The following NCR1 variants were observed in gnomAD, a reference collection of about 807,000 sequenced individuals.
NCR1 encodes the protein natural cytotoxicity triggering receptor 1.
A neutral mutation model predicts 32.5 loss-of-function variants in NCR1; 30 were observed. The observed-to-expected ratio is 0.92, with a 90% CI of 0.69 to 1.25. NCR1 has a LOEUF of 1.25. NCR1 is among the 50% of genes most tolerant of loss of function. NCR1 has a pLI of 0.00. For synonymous variants in NCR1, 169 were observed against 143.4 expected (o/e 1.18, Z -1.28); for missense variants, 369 against 380.7 (o/e 0.97, Z 0.26).
the NCR1 span, among the ~76,000 whole-genome samples, chr19:54,936,880 A>C: frequency 2.0e-5 from 3 of 151,328 alleles, no homozygotes; most frequent in Non-Finnish European, 2.9e-5. Context: ...GCACCACTGC[A>C]CTCCAGCCTG....
At chr19:54,916,317 C>CTTTTTTATTT (rs2068131050), downstream of NCR1, among the ~76,000 whole-genome samples, 2 of 87,108 alleles carry the variant, frequency 2.3e-5, no homozygotes, top group African/African-American at 8.9e-5. Context: ...GAATATTGTG[C>CTTTTTTATTT]TTTTTTTTTT....
chr19:54,931,351 G>C, the NCR1 span, among the ~76,000 whole-genome samples: 1 of 152,158 alleles, frequency 6.6e-6, no homozygotes, highest in Admixed American at 6.6e-5. Context: ...AAGATCAGGA[G>C]TTCAAGACCA....
chr19:54,922,691 A>C, the NCR1 span, among the ~76,000 whole-genome samples: 1 of 150,946 alleles, frequency 6.6e-6, no homozygotes, highest in Non-Finnish European at 1.5e-5. Flanking sequence ...AGGCAGGAGA[A>C]TCACTTGAAC....
chr19:54,938,031 A>T, the NCR1 span: 3 of 1,606,138 alleles, frequency 1.9e-6, no homozygotes, highest in Non-Finnish European at 2.6e-6. Context: ...TTGCAAGATG[A>T]GCTTCTACTT....
the NCR1 span, among the ~76,000 whole-genome samples, chr19:54,929,270 CAGG>C: frequency 1.3e-5 from 2 of 151,946 alleles, no homozygotes; most frequent in African/African-American, 4.8e-5. Flanking sequence ...TCAGCTCAAT[CAGG>C]AGAATCGCTT....
At chr19:54,928,498 A>G in the NCR1 span, among the ~76,000 whole-genome samples, 2 of 152,194 alleles carry the variant, frequency 1.3e-5, no homozygotes, top group Non-Finnish European at 2.9e-5. Flanking sequence ...CAGAGTTTTT[A>G]GTGACAGCAG....
chr19:54,913,757 C>T (rs2068074593), downstream of NCR1, among the ~76,000 whole-genome samples: 1 of 151,154 alleles, frequency 6.6e-6, no homozygotes, highest in African/African-American at 2.4e-5. Flanking sequence ...CATGATGAAA[C>T]CCCATCTCTA....
At chr19:54,929,842 T>C in the NCR1 span, among the ~76,000 whole-genome samples, 3 of 151,880 alleles carry the variant, frequency 2.0e-5, no homozygotes, top group Non-Finnish European at 4.4e-5. Flanking sequence ...TGGCCGGGCG[T>C]GGTGGCTCAC....
chr19:54,899,844 A>C, the NCR1 span, among the ~76,000 whole-genome samples: 4 of 152,282 alleles, frequency 2.6e-5, no homozygotes, highest in South Asian at 8.3e-4. Context: ...TTAAACACCA[A>C]GGGAAGGCTG....
At chr19:54,936,146 A>T in the NCR1 span, 1 of 894,120 alleles carries the variant, frequency 1.1e-6, no homozygotes, top group South Asian at 1.4e-5. Context: ...CTGTTTGAGG[A>T]ATACATTCCC....
the NCR1 span, among the ~76,000 whole-genome samples, chr19:54,933,185 G>A: frequency 4.0e-5 from 6 of 151,810 alleles, no homozygotes; most frequent in East Asian, 1.9e-4. Flanking sequence ...TTGTTCTGTC[G>A]CCCAGGCTGG....
At chr19:54,917,478 CCTGG>C (rs1358432856), downstream of NCR1, among the ~76,000 whole-genome samples, 4 of 152,024 alleles carry the variant, frequency 2.6e-5, no homozygotes, top group Non-Finnish European at 5.9e-5. Context: ...TGCCGCCACG[CCTGG>C]CTAATTTTTG....
upstream of NCR1, among the ~76,000 whole-genome samples, chr19:54,904,535 T>C (rs1008751284): frequency 1.4e-5 from 2 of 147,622 alleles, no homozygotes; most frequent in South Asian, 4.3e-4. Context: ...TCTTTTCTTT[T>C]TTTTTTTTTT....
At chr19:54,902,990 T>A (rs111668280), upstream of NCR1, among the ~76,000 whole-genome samples, 1 of 151,602 alleles carries the variant, frequency 6.6e-6, no homozygotes, top group Non-Finnish European at 1.5e-5. Context: ...ATTAGTCGAG[T>A]GTGGTGGCAC....
Position 54,906,797 on chromosome 19 carries a change from G to A in NCR1, c.345G>A (p.Leu115=). The change falls in exon 3 of 7, where the codon CTG becomes CTA. Residue 115 remains leucine (L), a synonymous_variant. Transcript: ENST00000291890. ...CAGAGCCCAGCAACTTGCTGGATCTGGTGGTAACAGGTAACTGTCCGGTTC... is the reference window on the plus strand; with the variant it reads ...CAGAGCCCAGCAACTTGCTGGATCTAGTGGTAACAGGTAACTGTCCGGTTC... ...LWSEPSNLLD[L]VVTEMYDTPT... 1 of 1,614,048 alleles carries A rather than the reference G, an allele frequency of 6.2e-7. No homozygotes were observed. Among genetic ancestry groups the A allele is most frequent in the Non-Finnish European group, 8.5e-7 (1 of 1,179,984 alleles).
downstream of NCR1, among the ~76,000 whole-genome samples, chr19:54,919,813 C>G (rs909806696): frequency 1.3e-5 from 2 of 148,490 alleles, no homozygotes; most frequent in East Asian, 2.1e-4. Context: ...CGCTTGGTGA[C>G]GGGTGTCTTC....
the NCR1 span, among the ~76,000 whole-genome samples, chr19:54,937,336 T>C: frequency 1.3e-5 from 2 of 151,954 alleles, no homozygotes; most frequent in African/African-American, 4.8e-5. Flanking sequence ...CGGTTACCTG[T>C]GTAACTAACC....
chr19:54,909,190 T>G (rs1212511222), intron 3 of NCR1, 55 bp from the exon 4 acceptor site: 95 of 1,477,432 alleles, frequency 6.4e-5, no homozygotes, highest in Non-Finnish European at 1.4e-5. Flanking sequence ...AAAAAAAAAA[T>G]AGCTGGCTGC....
the NCR1 span, among the ~76,000 whole-genome samples, chr19:54,934,058 C>G: frequency 6.6e-6 from 1 of 152,200 alleles, no homozygotes; most frequent in Admixed American, 6.6e-5. The surrounding 1 kb of genome is among the most constrained non-coding windows in gnomAD (Gnocchi z 6.7). Flanking sequence ...ATTCTGCTGA[C>G]TCAGCCTCCT....
Sources: allele counts gnomAD v4.1 joint callset (sites outside exome capture counted in the v4.1 genomes callset), GRCh38; gene constraint gnomAD v4.1.1; non-coding constraint Gnocchi (gnomAD v3.1); transcripts MANE v1.5; gene names NCBI Gene and HGNC (gene_info 2026-07-23, HGNC 2026-07-21).